The following ADAMTS9 variants were observed in gnomAD, a reference collection of about 807,000 sequenced individuals.
ADAMTS9 encodes the protein ADAM metallopeptidase with thrombospondin type 1 motif 9.
ADAMTS9 carries 107 observed loss-of-function variants against 257.1 expected under a neutral mutation model. The ratio of observed to expected loss-of-function variants is 0.42; its 90% CI spans 0.36 to 0.49. ADAMTS9 has a LOEUF of 0.49. ADAMTS9 is among the 20% of genes least tolerant of loss of function. ADAMTS9 has a pLI of 0.03. For missense variants in ADAMTS9, 2,353 were observed against 2,469.1 expected (o/e 0.95, Z 1.00); for synonymous variants, 982 against 880.9 (o/e 1.11, Z -2.03).
intron 30 of ADAMTS9, chr3:64,561,351 C>A: frequency 1.6e-5 from 5 of 308,454 alleles, no homozygotes; most frequent in South Asian, 1.4e-4. Context: ...GGCGGCCAGA[C>A]TTGGAACACT....
At chr3:64,617,697 C>T (rs918772675) in intron 19 of ADAMTS9, among the ~76,000 whole-genome samples, 14 of 152,060 alleles carry the variant, frequency 9.2e-5, no homozygotes, top group African/African-American at 3.1e-4. Flanking sequence ...ATTTTAAGAA[C>T]GACTGAATTC....
At chr3:64,574,706 G>T (rs182542978) in intron 28 of ADAMTS9, among the ~76,000 whole-genome samples, 157 of 145,938 alleles carry the variant, frequency 1.1e-3, no homozygotes, top group African/African-American at 4.0e-3. Flanking sequence ...ACTCCAGCCT[G>T]GTTGACAGGG....
rs921845885 is a variant in ADAMTS9, at chr3:64,568,254, C to CCGAG, written c.4524+110_4524+113dup. The CCGAG allele has an allele frequency of 2.0e-5, 23 of 1,150,002 alleles. No individual in the cohort carries two copies. The African/African-American group carries it at 3.6e-4, about 18-fold the overall frequency. 71.2% of individuals were successfully genotyped at this position (1,150,002 alleles called of 1,614,324 possible). On this transcript the variant is annotated intron_variant, in intron 29 of 39. Transcript: ENST00000498707. ...GGTAATGATTCTCCCCTCCCAGTCC[C>CCGAG]CGAGCTCCCCTCGGTAAAACCAAAA...
chr3:64,615,322 T>G lies in ADAMTS9; in HGVS notation c.3188A>C (p.Glu1063Ala). ...CPQWKSGDWS[E>A]CLVTCGKGHK... is the part of the protein sequence containing the mutation. ...GAAATAACAGCCCTCCCATCTTACC[T>G]CTGACCAGTCTCCAGATTTCCACTG... The change falls in exon 21 of 40, where the codon GAG becomes GCG. Residue 1063 changes from glutamate to alanine, a missense_variant and splice_region_variant. By Grantham distance (107) the Glu-to-Ala change is moderately radical. Coordinates refer to ENST00000498707, the MANE Select transcript of ADAMTS9 (RefSeq NM_182920.2). 6.2e-7 allele frequency: 1 copy of G among 1,613,516 alleles called. No individual in the cohort carries two copies.
intron 21 of ADAMTS9, among the ~76,000 whole-genome samples, chr3:64,614,272 C>T (rs1196162993): frequency 6.6e-6 from 1 of 152,140 alleles, no homozygotes; most frequent in Non-Finnish European, 1.5e-5. Flanking sequence ...TACTACTTAT[C>T]TTTTTTTAAC....
At chr3:64,584,205 T>A (rs1357609540) in intron 28 of ADAMTS9, 2 of 152,106 alleles carry the variant, frequency 1.3e-5, no homozygotes, top group Admixed American at 6.6e-5. Flanking sequence ...GTGGACTGGA[T>A]AGCAGTCGAT....
intron 37 of ADAMTS9, among the ~76,000 whole-genome samples, chr3:64,538,354 G>C (rs1408444890): frequency 6.6e-6 from 1 of 151,834 alleles, no homozygotes; most frequent in African/African-American, 2.4e-5. Flanking sequence ...AGGAACCAAA[G>C]GAAACCCAGA....
intron 23 of ADAMTS9, 92 bp downstream of exon 23, chr3:64,606,868 C>G: frequency 6.6e-7 from 1 of 1,519,810 alleles, no homozygotes. Context: ...ACATACTTAT[C>G]TATGAAAGGA....
chr3:64,613,242 C>T (rs955003758), intron 22 of ADAMTS9, 103 bp downstream of exon 22: 81 of 1,410,678 alleles, frequency 5.7e-5, no homozygotes, highest in South Asian at 3.9e-4. Flanking sequence ...GCATGCCACC[C>T]GGCACAGCGG....
chr3:64,539,213 T>C lies in ADAMTS9; in HGVS notation c.5603A>G (p.Lys1868Arg), dbSNP rs756378012. 2.5e-6 allele frequency: 4 copies of C among 1,613,798 alleles called. No individual in the cohort carries two copies. Among genetic ancestry groups the C allele is most frequent in the Admixed American group, 3.3e-5 (2 of 60,018 alleles). ...ATAGDCYSAA[K>R]CPQGRFSINL... ...GCACCAAGGACATACCTGTGGGCAC[T>C]TGGCAGCGCTGTAGCAATCCCCGGC... The change falls in exon 37 of 40, where the codon AAG (lysine) becomes AGG (arginine). Residue 1868 changes from lysine (K) to arginine (R), a missense_variant. Transcript: ENST00000498707.
chr3:64,643,040 G>A (rs1035288341), intron 11 of ADAMTS9, among the ~76,000 whole-genome samples: 18 of 152,188 alleles, frequency 1.2e-4, no homozygotes, highest in Non-Finnish European at 2.5e-4. Context: ...CTCCTCCCTT[G>A]TAATTATCCT....
At position 64,607,009 on chromosome 3, in the gene ADAMTS9, A is replaced by T; in HGVS notation, c.3425T>A (p.Val1142Glu). ...TGCATTACAGTCATTGTCATCTACC[A>T]CTGACATATAAGTCCCAATGATGCA... ...VKCIIGTYMS[V>E]VDDNDCNAAT... Residue 1142 changes from valine (V) to glutamate (E), a missense_variant, in exon 23 of 40, where the codon GTG becomes GAG. Val to Glu is a moderately radical substitution (Grantham distance 121, BLOSUM62 -2). Around this residue, in one of 3 missense-constraint regions of ADAMTS9, gnomAD observed 1,402 missense variants for 1,441.4 expected, o/e 0.97. Coordinates refer to ENST00000498707, the MANE Select transcript of ADAMTS9 (RefSeq NM_182920.2). 6.2e-7 allele frequency: 1 copy of T among 1,613,862 alleles called. No individual in the cohort carries two copies. The highest frequency in any genetic ancestry group is 2.2e-5 in the East Asian group (1 of 44,850).
At chr3:64,677,816 T>C (rs867261793) in intron 3 of ADAMTS9, among the ~76,000 whole-genome samples, 3 of 152,172 alleles carry the variant, frequency 2.0e-5, no homozygotes, top group Non-Finnish European at 4.4e-5. Context: ...GGTTTTCTCC[T>C]CCTGGCACAG....
intron 16 of ADAMTS9, among the ~76,000 whole-genome samples, chr3:64,629,657 A>T (rs1576136479): frequency 6.6e-6 from 1 of 152,346 alleles, no homozygotes; most frequent in Admixed American, 6.5e-5. Flanking sequence ...GAGTTTTCTT[A>T]TCTATCAGGT....
chr3:64,609,665 A>G (rs2106828465), intron 22 of ADAMTS9, among the ~76,000 whole-genome samples: 1 of 152,358 alleles, frequency 6.6e-6, no homozygotes, highest in African/African-American at 2.4e-5. Flanking sequence ...TTACATGTCT[A>G]TGGATTAAAA....
At chr3:64,573,149 G>T (rs2106704373) in intron 28 of ADAMTS9, among the ~76,000 whole-genome samples, 1 of 152,152 alleles carries the variant, frequency 6.6e-6, no homozygotes, top group African/African-American at 2.4e-5. Flanking sequence ...GCACTAGAAG[G>T]GGACTGAATG....
intron 30 of ADAMTS9, among the ~76,000 whole-genome samples, chr3:64,551,455 CA>C: frequency 6.6e-6 from 1 of 152,190 alleles, no homozygotes; most frequent in Middle Eastern, 3.4e-3. Flanking sequence ...GTGATCTGCC[CA>C]CCTCGGCCTC....
chr3:64,575,643 G>T (rs2083822603), intron 28 of ADAMTS9, among the ~76,000 whole-genome samples: 1 of 152,134 alleles, frequency 6.6e-6, no homozygotes, highest in Non-Finnish European at 1.5e-5. Flanking sequence ...AGTCAGACAG[G>T]CCTGGGCTGG....
chr3:64,674,737 G>T (rs796783335), intron 3 of ADAMTS9, among the ~76,000 whole-genome samples: 1 of 152,182 alleles, frequency 6.6e-6, no homozygotes. Context: ...CAAAGCTTCC[G>T]TCACTGCCTG....
Sources: gnomAD v4.1 joint callset for allele counts (sites outside exome capture counted in the v4.1 genomes callset) on GRCh38, gnomAD v4.1.1 for gene constraint, gnomAD v4.1.1 regional missense constraint, MANE v1.5 for transcripts, NCBI Gene and HGNC (gene_info 2026-07-23, HGNC 2026-07-21) for gene names.